MAF: variants seen among roughly 807,000 people sequenced by gnomAD.
MAF encodes MAF bZIP transcription factor, also known as transcription factor Maf.
Under a neutral mutation model 22.0 loss-of-function variants are expected in MAF, and 10 were observed. The ratio of observed to expected loss-of-function variants is 0.45; its 90% CI spans 0.28 to 0.77. The LOEUF is 0.77. Among genes scored for constraint, MAF ranks in the 30% least tolerant of loss-of-function variants. MAF has a pLI of 0.12. For missense variants in MAF, 544 were observed against 548.4 expected (o/e 0.99, Z 0.08); for synonymous variants, 337 against 255.8 (o/e 1.32, Z -3.03).
chr16:79,468,232 T>C, the MAF span, among the ~76,000 whole-genome samples: 8 of 152,182 alleles, frequency 5.3e-5, no homozygotes, highest in African/African-American at 1.9e-4. Flanking sequence ...TCCTGATTTA[T>C]GACACCCACG....
chr16:79,401,637 C>T, the MAF span, among the ~76,000 whole-genome samples: 1 of 152,116 alleles, frequency 6.6e-6, no homozygotes, highest in Non-Finnish European at 1.5e-5. Flanking sequence ...GTACCACTCT[C>T]ACATTCCAGT....
rs538323267 is a variant in MAF at position 79,595,320 on chromosome 16, G to C, written c.1119-767C>G. ...TTCGTGTTTTGTAAAAAATAGGCAG[G>C]AAGGCCAGATGATAAACTGGCCAGA... On this transcript the variant is annotated intron_variant, in intron 1 of 1. Coordinates refer to ENST00000326043, the MANE Select transcript of MAF (RefSeq NM_005360.5). 6.9e-5 allele frequency: 72 copies of C among 1,050,096 alleles called. No homozygotes were observed. The South Asian group carries it at 2.2e-3, about 31-fold the overall frequency. 65.0% of individuals were successfully genotyped at this position (1,050,096 alleles called of 1,614,324 possible).
At chr16:79,422,102 G>C in the MAF span, among the ~76,000 whole-genome samples, 2 of 152,164 alleles carry the variant, frequency 1.3e-5, no homozygotes. Context: ...CTTAATGAGA[G>C]CATGATAAAG....
chr16:79,317,013 C>T, the MAF span, among the ~76,000 whole-genome samples: 1 of 152,160 alleles, frequency 6.6e-6, no homozygotes, highest in African/African-American at 2.4e-5. Context: ...AAATGCATTA[C>T]ATCACACAAG....
At chr16:79,262,900 G>T in the MAF span, among the ~76,000 whole-genome samples, 2 of 152,152 alleles carry the variant, frequency 1.3e-5, no homozygotes, top group African/African-American at 2.4e-5. Context: ...CTTAGGAGTG[G>T]CATCTTATTC....
chr16:79,376,725 T>C, the MAF span, among the ~76,000 whole-genome samples: 2 of 152,144 alleles, frequency 1.3e-5, no homozygotes, highest in South Asian at 4.1e-4. Flanking sequence ...CCCCTTCCTG[T>C]GTCCATGTGT....
chr16:79,339,232 G>A, the MAF span, among the ~76,000 whole-genome samples: 1 of 144,020 alleles, frequency 6.9e-6, no homozygotes, highest in South Asian at 2.1e-4. Context: ...ACCACGCCCG[G>A]CTAAATTTTT....
chr16:79,408,159 G>GCT, the MAF span, among the ~76,000 whole-genome samples: 1 of 150,168 alleles, frequency 6.7e-6, no homozygotes, highest in East Asian at 2.0e-4. Context: ...GAAGAACTGG[G>GCT]CTAACATCGT....
the MAF span, among the ~76,000 whole-genome samples, chr16:79,209,208 C>T: frequency 1.3e-5 from 2 of 152,132 alleles, no homozygotes; most frequent in East Asian, 1.9e-4. Flanking sequence ...GAAATGAAGC[C>T]AGTTGTAATT....
At chr16:79,359,870 C>G in the MAF span, among the ~76,000 whole-genome samples, 1 of 152,136 alleles carries the variant, frequency 6.6e-6, no homozygotes, top group Admixed American at 6.5e-5. Flanking sequence ...TGTGCAACAG[C>G]TGGGAAGTGG....
At chr16:79,368,675 C>T in the MAF span, among the ~76,000 whole-genome samples, 5 of 152,298 alleles carry the variant, frequency 3.3e-5, no homozygotes, top group South Asian at 1.0e-3. Flanking sequence ...GTCTCCTTCA[C>T]TCTGCTCACT....
At chr16:79,245,398 G>T in the MAF span, among the ~76,000 whole-genome samples, 3 of 151,946 alleles carry the variant, frequency 2.0e-5, no homozygotes, top group African/African-American at 7.2e-5. Flanking sequence ...AGTGGGCAAA[G>T]GATATAAACA....
chr16:79,550,817 C>T, the MAF span, among the ~76,000 whole-genome samples: 1 of 152,092 alleles, frequency 6.6e-6, no homozygotes, highest in East Asian at 1.9e-4. Context: ...GGTTCCCAAC[C>T]AGGTTATTGT....
the MAF span, among the ~76,000 whole-genome samples, chr16:79,278,570 AG>A: frequency 7.9e-5 from 12 of 152,332 alleles, no homozygotes; most frequent in East Asian, 2.3e-3. Flanking sequence ...AGCTTTTGGA[AG>A]GAAGATGCCT....
the MAF span, among the ~76,000 whole-genome samples, chr16:79,338,660 G>C: frequency 6.6e-6 from 1 of 152,158 alleles, no homozygotes; most frequent in Non-Finnish European, 1.5e-5. Context: ...AAAAAAATGG[G>C]AGAGAGATGG....
the MAF span, among the ~76,000 whole-genome samples, chr16:79,248,500 G>T: frequency 1.4e-3 from 208 of 152,082 alleles, no homozygotes; most frequent in Non-Finnish European, 2.4e-3. Flanking sequence ...TTTTCCACAG[G>T]AATTTAATTC....
At chr16:79,396,217 A>T in the MAF span, among the ~76,000 whole-genome samples, 1 of 152,222 alleles carries the variant, frequency 6.6e-6, no homozygotes, top group African/African-American at 2.4e-5. Context: ...AGGAGGCCAC[A>T]CTACTGGAGG....
the MAF span, among the ~76,000 whole-genome samples, chr16:79,286,653 G>A: frequency 6.6e-6 from 1 of 152,148 alleles, no homozygotes; most frequent in South Asian, 2.1e-4. Context: ...ACATACTGGT[G>A]CCTCACATAG....
the MAF span, among the ~76,000 whole-genome samples, chr16:79,518,096 A>C: frequency 1.1e-4 from 16 of 152,222 alleles, no homozygotes; most frequent in African/African-American, 3.9e-4. Flanking sequence ...ACATTAGTTT[A>C]TTACATTCTC....
Sources: gnomAD v4.1 joint callset for allele counts (sites outside exome capture counted in the v4.1 genomes callset) on GRCh38, gnomAD v4.1.1 for gene constraint, MANE v1.5 for transcripts, NCBI Gene and HGNC (gene_info 2026-07-23, HGNC 2026-07-21) for gene names.